The following RIMS2 variants were observed in gnomAD, a reference collection of about 807,000 sequenced individuals.
RIMS2 encodes the protein regulating synaptic membrane exocytosis 2.
In RIMS2, 59 loss-of-function variants were observed where a neutral mutation model predicts 174.4. The observed-to-expected ratio is 0.34, with a 90% CI of 0.27 to 0.42. The LOEUF (loss-of-function observed/expected upper bound fraction) is 0.42. Ranked by LOEUF, RIMS2 falls within the 10% of genes least tolerant of loss-of-function variation. The pLI, the probability that RIMS2 is intolerant of heterozygous loss-of-function variation, is 1.00. For synonymous variants in RIMS2, 606 were observed against 572.5 expected (o/e 1.06, Z -0.84); for missense variants, 1,620 against 1,666.3 (o/e 0.97, Z 0.48).
At chr8:103,516,857 T>A (rs951297302) in intron 1 of RIMS2, among the ~76,000 whole-genome samples, 1 of 152,178 alleles carries the variant, frequency 6.6e-6, no homozygotes, top group Admixed American at 6.6e-5. Flanking sequence ...TACAAAGCCA[T>A]ATACACTCTA....
intron 3 of RIMS2, among the ~76,000 whole-genome samples, chr8:103,821,083 G>A (rs2098749053): frequency 6.6e-6 from 1 of 150,934 alleles, no homozygotes; most frequent in South Asian, 2.1e-4. Context: ...TAATATTAGG[G>A]TTTAGGTATA....
chr8:103,718,665 T>A (rs1263145416), intron 2 of RIMS2, among the ~76,000 whole-genome samples: 2 of 151,982 alleles, frequency 1.3e-5, no homozygotes, highest in African/African-American at 4.8e-5. Context: ...CAACCTTTTT[T>A]TTTTGTGGGG....
intron 19 of RIMS2, among the ~76,000 whole-genome samples, chr8:104,058,205 A>C (rs1456049478): frequency 6.7e-6 from 1 of 149,610 alleles, no homozygotes; most frequent in Non-Finnish European, 1.5e-5. Flanking sequence ...AGTGTTCCTA[A>C]TTCTCCACAT....
chr8:104,057,317 C>A (rs1466462986), intron 19 of RIMS2, among the ~76,000 whole-genome samples: 1 of 152,026 alleles, frequency 6.6e-6, no homozygotes, highest in African/African-American at 2.4e-5. Context: ...GTCCTCCCGC[C>A]TCAGCCTCTC....
At position 103,766,550 on chromosome 8, in the gene RIMS2, T is replaced by A. The variant is rs369054764; in HGVS notation, c.698+13T>A. 2 of 1,572,584 alleles carry A rather than the reference T, an allele frequency of 1.3e-6. No homozygotes were observed. The highest frequency in any genetic ancestry group is 2.7e-5 in the African/African-American group (2 of 73,700). ...TAGCTTCAGACAGGTAAACATTTTG[T>A]TTAATCTTTAGGCAAATGTATTACT... On this transcript the variant is annotated intron_variant, in intron 3 of 23. Coordinates refer to ENST00000504942, the Ensembl canonical transcript of RIMS2.
chr8:104,109,522 CAACGCAGT>C (rs1244103459), intron 19 of RIMS2, among the ~76,000 whole-genome samples: 1 of 151,456 alleles, frequency 6.6e-6, no homozygotes, highest in Non-Finnish European at 1.5e-5. Context: ...CATGAGAACT[CAACGCAGT>C]AATGCCCTCA....
intron 1 of RIMS2, among the ~76,000 whole-genome samples, chr8:103,670,897 A>G (rs1564229339): frequency 1.3e-5 from 2 of 152,074 alleles, no homozygotes; most frequent in African/African-American, 4.8e-5. Flanking sequence ...TTGCTTCCAC[A>G]TTTTCAGGTA....
intron 3 of RIMS2, among the ~76,000 whole-genome samples, chr8:103,818,849 ATTTTAAATGCAGATG>A (rs2098734113): frequency 6.6e-6 from 1 of 152,184 alleles, no homozygotes; most frequent in Non-Finnish European, 1.5e-5. Flanking sequence ...GAAATATGGC[ATTTTAAATGCAGATG>A]ATAAATGCTC....
At chr8:103,782,433 C>CGTGTGTGTGTGTGT (rs71297237) in intron 3 of RIMS2, among the ~76,000 whole-genome samples, 3 of 145,736 alleles carry the variant, frequency 2.1e-5, no homozygotes, top group African/African-American at 7.6e-5. Context: ...ACATAAATCC[C>CGTGTGTGTGTGTGT]GTGTGTGTGT....
chr8:103,973,695 G>A (rs2093141884), intron 15 of RIMS2, among the ~76,000 whole-genome samples: 1 of 152,178 alleles, frequency 6.6e-6, no homozygotes, highest in Admixed American at 6.5e-5. Context: ...AGGAACATGA[G>A]ATTCTTGGGA....
At chr8:103,557,889 C>G (rs2090793693) in intron 1 of RIMS2, among the ~76,000 whole-genome samples, 1 of 152,156 alleles carries the variant, frequency 6.6e-6, no homozygotes, top group African/African-American at 2.4e-5. Flanking sequence ...AGTCTGTGCT[C>G]CAGTTCCAGC....
At chr8:104,031,245 C>G (rs576987240) in intron 19 of RIMS2, among the ~76,000 whole-genome samples, 2 of 152,098 alleles carry the variant, frequency 1.3e-5, no homozygotes, top group South Asian at 4.2e-4. Context: ...TGAATTTTCT[C>G]TTGATGTTTC....
At chr8:104,014,535 C>T in exon 19 of RIMS2, 1 of 1,612,318 alleles carries the variant, frequency 6.2e-7, no homozygotes, top group Admixed American at 1.7e-5. Context: ...TCTGTCCAGA[C>T]AAGCCCATCA....
intron 1 of RIMS2, among the ~76,000 whole-genome samples, chr8:103,576,050 A>G (rs1024422191): frequency 6.6e-6 from 1 of 152,210 alleles, no homozygotes; most frequent in African/African-American, 2.4e-5. Flanking sequence ...GGGCAGGACC[A>G]CTATCCTCAG....
chr8:103,774,693 C>A (rs1056397847), intron 3 of RIMS2, among the ~76,000 whole-genome samples: 11 of 151,952 alleles, frequency 7.2e-5, no homozygotes, highest in African/African-American at 2.7e-4. Context: ...ATATGATATG[C>A]TTCTATTTAT....
intron 4 of RIMS2, among the ~76,000 whole-genome samples, chr8:103,904,208 T>A (rs1402712083): frequency 6.6e-6 from 1 of 152,204 alleles, no homozygotes; most frequent in East Asian, 1.9e-4. Context: ...TATGTGACAT[T>A]TTGAGTTTTT....
chr8:103,864,540 T>A (rs1331570507), intron 3 of RIMS2, among the ~76,000 whole-genome samples: 1 of 152,188 alleles, frequency 6.6e-6, no homozygotes, highest in Admixed American at 6.5e-5. Context: ...AGAAAATGCT[T>A]GTTATGATTT....
chr8:103,905,775 C>CTTTTTTTTTTTTTTTTTTTTTTTTTTTT (rs60157494), intron 4 of RIMS2, among the ~76,000 whole-genome samples: 1 of 122,060 alleles, frequency 8.2e-6, no homozygotes, highest in Non-Finnish European at 1.7e-5. Flanking sequence ...ATTTTCTTTT[C>CTTTTTTTTTTTTTTTTTTTTTTTTTTTT]TTTTTTTTTT....
rs2097782244 is a variant in RIMS2 at position 103,743,738 on chromosome 8, GAC to G, written c.388-22485_388-22484del. On this transcript the variant is annotated intron_variant, in intron 2 of 23. Transcript: ENST00000504942. ...AGCTTCCCCATTAAGTATAATCTTT[GAC>G]ACAGTGTTTTGATATATAATCTTTA... Among the ~76,000 whole-genome samples the G allele has an allele frequency of 3.3e-5, 5 of 152,162 alleles. 1 individual carries two copies. The highest frequency in any genetic ancestry group is 3.3e-4 in the Admixed American group (5 of 15,292).
Sources: gnomAD v4.1 joint callset for allele counts (sites outside exome capture counted in the v4.1 genomes callset) on GRCh38, gnomAD v4.1.1 for gene constraint, MANE v1.5 for transcripts, NCBI Gene and HGNC (gene_info 2026-07-23, HGNC 2026-07-21) for gene names.